The following WNT7B variants were observed in gnomAD, a reference collection of about 807,000 sequenced individuals.
WNT7B encodes protein Wnt-7b.
A neutral mutation model predicts 38.2 loss-of-function variants in WNT7B; 19 were observed. The observed-to-expected ratio is 0.50, with a 90% confidence interval of 0.35 to 0.73. The LOEUF is 0.73. WNT7B is among the 30% of genes least tolerant of loss of function. The probability of loss-of-function intolerance (pLI) is 0.01; values close to 1 mark genes in which losing one functional copy is unlikely to be tolerated. For synonymous variants in WNT7B, 243 were observed against 209.3 expected, an observed-to-expected ratio of 1.16 and a Z score of -1.39; for missense variants, 423 against 507.9, an observed-to-expected ratio of 0.83 and a Z score of 1.61.
chr22:45,966,356 C>T lies in WNT7B; in HGVS notation c.71+10328G>A, dbSNP rs1373083352. ...CTCCTCACCCTGGCCACGCCAATAC[C>T]CACTGCGCGGAGGCCAGCTGAGACA... On this transcript the variant is annotated intron_variant, in intron 1 of 3. Transcript: ENST00000339464. The surrounding 1 kb of genome is among the most constrained non-coding windows in gnomAD (Gnocchi z 4.2). Among the ~76,000 whole-genome samples, 2 of 151,654 alleles carry T rather than the reference C, an allele frequency of 1.3e-5. No individual in the cohort carries two copies. The highest frequency in any genetic ancestry group is 2.9e-5 in the Non-Finnish European group (2 of 68,004).
At chr22:45,934,964 G>A (rs1251826562) in intron 2 of WNT7B, among the ~76,000 whole-genome samples, 1 of 152,202 alleles carries the variant, frequency 6.6e-6, no homozygotes, top group Non-Finnish European at 1.5e-5. Context: ...GTGTTGTCTG[G>A]TTTAATTCTC....
chr22:45,927,397 C>G (rs1195183345), intron 3 of WNT7B: 2 of 1,524,842 alleles, frequency 1.3e-6, no homozygotes, highest in African/African-American at 1.4e-5. Context: ...CCATCTCACT[C>G]TTGCCCATCA....
In WNT7B at chr22:45,976,331, G is replaced by A. The variant is rs1307653667; in HGVS notation, c.71+353C>T. ...GGCGGCGAGCGCTCGGCCCGGGCTC[G>A]GCGCCCAGCGCAGCCCGGGGGAGGG... On this transcript the variant is annotated intron_variant, in intron 1 of 3. Transcript: ENST00000339464. This position sits in a 1 kb window ranked among gnomAD's most constrained non-coding sequence, Gnocchi z 8.5. 6.7e-6 allele frequency among the ~76,000 whole-genome samples: 1 copy of A among 150,050 alleles called. No individual in the cohort carries two copies. Among genetic ancestry groups the A allele is most frequent in the Non-Finnish European group, 1.5e-5 (1 of 67,320 alleles).
chr22:45,927,296 C>T lies in WNT7B; in HGVS notation c.570+3802G>A, dbSNP rs59260521. 1.4e-3 allele frequency: 1,418 copies of T among 985,362 alleles called. 11 individuals carry two copies. The African/African-American group carries it at 0.023, about 16-fold the overall frequency. The allele number at this position is 985,362 out of a possible 1,614,324, so 61.0% of individuals were successfully genotyped here. ...CCCTGCGGCAGCCCATTAAAGGTCA[C>T]CCCCGCCCCCCAGGGAGCTTGGGGA... On this transcript the variant is annotated intron_variant, in intron 3 of 3. Transcript: ENST00000339464.
rs1457477802 is a variant in WNT7B, at chr22:45,920,865, G to C, written c.*1991C>G. The C allele has an allele frequency of 6.6e-6, 1 of 152,240 alleles. No homozygotes were observed. The highest frequency in any genetic ancestry group is 2.4e-5 in the African/African-American group (1 of 41,426). The allele number at this position is 152,240 out of a possible 1,614,324, so 9.4% of individuals were successfully genotyped here. On this transcript the variant is annotated 3_prime_UTR_variant, in exon 4 of 4. Coordinates refer to ENST00000339464, the MANE Select transcript of WNT7B (RefSeq NM_058238.3). ...GCTATATAACAACATAAGTTAACCA[G>C]GTTCCTTGCAGAGGCTGCCGGGCCT...
rs1431525188 is a variant in WNT7B at position 45,920,727 on chromosome 22, A to G, written c.*2129T>C. The G allele has an allele frequency of 1.5e-5, 1 of 66,970 alleles. No individual in the cohort carries two copies. Among genetic ancestry groups the G allele is most frequent in the African/African-American group, 5.8e-5 (1 of 17,336 alleles). The allele number at this position is 66,970 out of a possible 1,614,324, so 4.1% of individuals were successfully genotyped here. A position where few individuals can be genotyped will look rare whatever the true frequency, so the allele number is the denominator to read the frequency against. On this transcript the variant is annotated 3_prime_UTR_variant, in exon 4 of 4. Coordinates refer to ENST00000339464, the MANE Select transcript of WNT7B (RefSeq NM_058238.3). ...GATGGGATGGGGGATGGGATGAGGGATGAGATGAGGGATGGGATGGGATGG... is the reference window on the plus strand; with the variant it reads ...GATGGGATGGGGGATGGGATGAGGGGTGAGATGAGGGATGGGATGGGATGG...
intron 3 of WNT7B, chr22:45,926,240 A>G (rs1931079838): frequency 1.0e-6 from 1 of 985,336 alleles, no homozygotes; most frequent in Non-Finnish European, 1.2e-6. Context: ...AGCAACAGCA[A>G]TGGTGGTGCC....
chr22:45,941,157 T>C (rs370882785), intron 2 of WNT7B, among the ~76,000 whole-genome samples: 1 of 151,844 alleles, frequency 6.6e-6, no homozygotes, highest in African/African-American at 2.4e-5. Flanking sequence ...GGTCTCAGAG[T>C]CTCAGCGTAG....
chr22:45,952,070 G>A (rs1484611155), intron 1 of WNT7B, among the ~76,000 whole-genome samples: 2 of 152,188 alleles, frequency 1.3e-5, no homozygotes, highest in African/African-American at 2.4e-5. Context: ...TCAGCACAGC[G>A]CTTGGCTTCA....
chr22:45,927,192 G>A, intron 3 of WNT7B: 1 of 985,410 alleles, frequency 1.0e-6, no homozygotes, highest in South Asian at 4.7e-5. Context: ...ATGTGCCAGG[G>A]GCAGAGCTGG....
Position 45,922,900 on chromosome 22 carries a change from A to C in WNT7B, c.1006T>G (p.Cys336Gly). 1 of 1,610,928 alleles carries C rather than the reference A, an allele frequency of 6.2e-7. No individual in the cohort carries two copies. The highest frequency in any genetic ancestry group is 8.5e-7 in the Non-Finnish European group (1 of 1,177,892). The change falls in exon 4 of 4, where the codon TGC becomes GGC. Residue 336 changes from cysteine (C) to glycine (G), a missense_variant. Coordinates refer to ENST00000339464, the MANE Select transcript of WNT7B (RefSeq NM_058238.3). ...CKFHWCCFVKCNTCSERTEVF... is the reference protein window; with the variant it reads ...CKFHWCCFVKGNTCSERTEVF... ...TCGGTGCGCTCGCTGCAGGTGTTGC[A>C]CTTGACGAAGCAGCACCAGTGGAAT... is the stretch of plus-strand genomic sequence containing the variant.
chr22:45,950,214 T>C lies in WNT7B; in HGVS notation c.72-68A>G, dbSNP rs1931900100. 4.4e-6 allele frequency: 6 copies of C among 1,349,042 alleles called. No individual in the cohort carries two copies. In the East Asian group the frequency reaches 9.7e-5, roughly 22 times the overall value. The allele number at this position is 1,349,042 out of a possible 1,614,324, so 83.6% of individuals were successfully genotyped here. On this transcript the variant is annotated intron_variant, in intron 1 of 3. Transcript: ENST00000339464. ...AGCGCCCCTCCTCACCCCCAACACC[T>C]TTCCCCCACTCAGCCTCTCAGTCAC... is the stretch of plus-strand genomic sequence containing the variant.
intron 1 of WNT7B, chr22:45,972,428 G>A: frequency 4.0e-6 from 1 of 247,164 alleles, no homozygotes. Context: ...CGCTGGGTCT[G>A]GGGCAGCGGC....
In WNT7B at chr22:45,975,786, C is replaced by T. The variant is rs1342839502; in HGVS notation, c.71+898G>A. ...CGGGTCCCCGCAGGTGCGAGGAGCG[C>T]GGGGCCAGCAGCGGGCGGTGGGCGC... On this transcript the variant is annotated intron_variant, in intron 1 of 3. Coordinates refer to ENST00000339464, the MANE Select transcript of WNT7B (RefSeq NM_058238.3). The surrounding 1 kb of genome is among the most constrained non-coding windows in gnomAD (Gnocchi z 6.6). 3 of 336,520 alleles carry T rather than the reference C, an allele frequency of 8.9e-6. No individual in the cohort carries two copies. Among genetic ancestry groups the T allele is most frequent in the African/African-American group, 6.5e-5 (3 of 46,234 alleles). 20.8% of individuals were successfully genotyped at this position (336,520 alleles called of 1,614,324 possible).
At chr22:45,925,973 C>A (rs1778129733) in intron 3 of WNT7B, 1 of 943,468 alleles carries the variant, frequency 1.1e-6, no homozygotes, top group Non-Finnish European at 1.3e-6. Context: ...CCTCCCCCTC[C>A]TCCCTCCCCT....
In WNT7B at chr22:45,955,490, T is replaced by C. The variant is rs112824881; in HGVS notation, c.72-5344A>G. Among the ~76,000 whole-genome samples, 906 of 152,318 alleles carry C rather than the reference T, an allele frequency of 5.9e-3. 9 individuals are homozygous for C. The highest frequency in any genetic ancestry group is 0.041 in the South Asian group (198 of 4,830). On this transcript the variant is annotated intron_variant, in intron 1 of 3. Transcript: ENST00000339464. Reference sequence around the variant, plus strand: ...GGGGCGGACCCAGCTTCGCTCCAAGTGTGAAAACTCTCAGGGATGGCTTCC... The same window carrying C: ...GGGGCGGACCCAGCTTCGCTCCAAGCGTGAAAACTCTCAGGGATGGCTTCC...
In WNT7B at chr22:45,923,397, C is replaced by T. The variant is rs1350111123; in HGVS notation, c.571-62G>A. Reference sequence around the variant, plus strand: ...CCCAAGCTGGGCCCCTCTAGGTTCCCCTACCCCTGCCTCTAGCCCAGCCCT... The same window carrying T: ...CCCAAGCTGGGCCCCTCTAGGTTCCTCTACCCCTGCCTCTAGCCCAGCCCT... On this transcript the variant is annotated intron_variant, in intron 3 of 3. Transcript: ENST00000339464. 5.2e-6 allele frequency: 8 copies of T among 1,529,654 alleles called. No individual in the cohort carries two copies. In the East Asian group the frequency reaches 9.1e-5, roughly 17 times the overall value. The allele number at this position is 1,529,654 out of a possible 1,614,324, so 94.8% of individuals were successfully genotyped here. A position where few individuals can be genotyped will look rare whatever the true frequency, so the allele number is the denominator to read the frequency against.
At chr22:45,957,682 CAAAAAAAAAAAAAAAAAA>C (rs367797133) in intron 1 of WNT7B, among the ~76,000 whole-genome samples, 1 of 36,012 alleles carries the variant, frequency 2.8e-5, no homozygotes, top group Non-Finnish European at 5.0e-5. Context: ...GACTCCGTCT[CAAAAAAAAAAAAAAAAAA>C]AAAAAAAAAA....
chr22:45,932,051 C>G (rs551812265), intron 2 of WNT7B, among the ~76,000 whole-genome samples: 9 of 152,300 alleles, frequency 5.9e-5, no homozygotes, highest in South Asian at 2.1e-4. Flanking sequence ...CCCAGGGGCC[C>G]CAGAACTGCC....
Sources: gnomAD v4.1 joint callset for allele counts (sites outside exome capture counted in the v4.1 genomes callset) on GRCh38, gnomAD v4.1.1 for gene constraint, Gnocchi (gnomAD v3.1) non-coding constraint, MANE v1.5 for transcripts, NCBI Gene and HGNC (gene_info 2026-07-23, HGNC 2026-07-21) for gene names.